The following PDE5A variants were observed in gnomAD, a reference collection of about 807,000 sequenced individuals.
PDE5A encodes the protein cGMP-specific 3',5'-cyclic phosphodiesterase.
A neutral mutation model predicts 110.2 loss-of-function variants in PDE5A; 67 were observed. The ratio of observed to expected loss-of-function variants is 0.61; its 90% CI spans 0.50 to 0.75. The LOEUF (loss-of-function observed/expected upper bound fraction) is 0.75. Ranked by LOEUF, PDE5A falls within the 30% of genes least tolerant of loss-of-function variation. The pLI is 0.00. For missense variants in PDE5A, 862 were observed against 1,045.1 expected (o/e 0.82, Z 2.42); for synonymous variants, 328 against 351.2 (o/e 0.93, Z 0.74).
At position 119,580,243 on chromosome 4, in the gene PDE5A, GC is replaced by G. The variant is rs923986596; in HGVS notation, c.832-13100del. On this transcript the variant is annotated intron_variant, in intron 3 of 20. Transcript: ENST00000354960. ...AAATACTAAACTCTCTGCCACACTA[GC>G]TTTTAAGTAATGAGGTAAAGCTCTT... 1.0e-3 allele frequency among the ~76,000 whole-genome samples: 155 copies of G among 152,178 alleles called. 1 individual carries two copies. The highest frequency in any genetic ancestry group is 3.4e-3 in the African/African-American group (143 of 41,524).
At chr4:119,529,249 G>C (rs1452742537) in intron 11 of PDE5A, among the ~76,000 whole-genome samples, 2 of 151,990 alleles carry the variant, frequency 1.3e-5, no homozygotes, top group South Asian at 4.1e-4. Context: ...TGCCTAGAAT[G>C]CATATTCCCA....
intron 9 of PDE5A, among the ~76,000 whole-genome samples, chr4:119,544,918 A>G (rs1412088103): frequency 6.6e-6 from 1 of 152,190 alleles, no homozygotes; most frequent in Non-Finnish European, 1.5e-5. Flanking sequence ...AGGTTCTGCT[A>G]TAACAAATAC....
At chr4:119,620,361 G>T (rs1016259163) in intron 1 of PDE5A, among the ~76,000 whole-genome samples, 1 of 152,196 alleles carries the variant, frequency 6.6e-6, no homozygotes, top group South Asian at 2.1e-4. Context: ...TTAAAATGCA[G>T]AATTGCTTCA....
Position 119,525,454 on chromosome 4 carries a change from C to T in PDE5A, c.1779+95G>A, listed in dbSNP as rs1726278527. 8.6e-7 allele frequency: 1 copy of T among 1,167,034 alleles called. No individual in the cohort carries two copies. The highest frequency in any genetic ancestry group is 2.3e-5 in the Admixed American group (1 of 42,946). 72.3% of individuals were successfully genotyped at this position (1,167,034 alleles called of 1,614,324 possible). A position where few individuals can be genotyped will look rare whatever the true frequency, so the allele number is the denominator to read the frequency against. On this transcript the variant is annotated intron_variant, in intron 12 of 20. Coordinates refer to ENST00000354960, the MANE Select transcript of PDE5A (RefSeq NM_001083.4). The surrounding 1 kb of genome is among the most constrained non-coding windows in gnomAD (Gnocchi z 4.3). ...ATATTAATCACTAAAATGTAAAAAT[C>T]CCTATTCCATATTTGCATTCAAAAC...
intron 3 of PDE5A, chr4:119,569,610 C>T (rs1018191786): frequency 6.6e-6 from 1 of 151,898 alleles, no homozygotes; most frequent in Non-Finnish European, 1.5e-5. Flanking sequence ...AAATTTTAAA[C>T]CCACAGCAAT....
At chr4:119,624,559 A>T (rs1730272001) in intron 1 of PDE5A, among the ~76,000 whole-genome samples, 1 of 152,196 alleles carries the variant, frequency 6.6e-6, no homozygotes, top group South Asian at 2.1e-4. Flanking sequence ...CTGTCATAAA[A>T]ACTTGCCCTC....
At chr4:119,542,223 G>A (rs1726956118) in intron 10 of PDE5A, among the ~76,000 whole-genome samples, 1 of 152,108 alleles carries the variant, frequency 6.6e-6, no homozygotes, top group African/African-American at 2.4e-5. Context: ...GGCATAAAGG[G>A]ATAAACATCC....
At chr4:119,522,539 T>C (rs1345694770) in intron 12 of PDE5A, among the ~76,000 whole-genome samples, 1 of 152,052 alleles carries the variant, frequency 6.6e-6, no homozygotes, top group Non-Finnish European at 1.5e-5. Context: ...TTTTTACTAA[T>C]CATAAATGTA....
chr4:119,582,727 C>T (rs1320015009), intron 3 of PDE5A, among the ~76,000 whole-genome samples: 1 of 152,170 alleles, frequency 6.6e-6, no homozygotes, highest in Non-Finnish European at 1.5e-5. Flanking sequence ...GGCATGAAAA[C>T]GACATTGATT....
intron 1 of PDE5A, among the ~76,000 whole-genome samples, chr4:119,610,070 C>T (rs1729690532): frequency 6.6e-6 from 1 of 152,174 alleles, no homozygotes; most frequent in South Asian, 2.1e-4. Flanking sequence ...CATATACCTA[C>T]ACAGATTTTT....
intron 2 of PDE5A, 62 bp downstream of exon 2, chr4:119,606,647 T>G: frequency 1.7e-6 from 2 of 1,183,952 alleles, no homozygotes; most frequent in Admixed American, 3.6e-5. Context: ...CCAGCCATAG[T>G]ACCCGCCCCA....
intron 3 of PDE5A, among the ~76,000 whole-genome samples, chr4:119,576,141 C>T (rs1728334386): frequency 2.1e-4 from 2 of 9,306 alleles, no homozygotes; most frequent in Non-Finnish European, 1.0e-3. Flanking sequence ...AGCTAACTAT[C>T]CTAAATATAT....
At chr4:119,574,011 A>T (rs1272796082) in intron 3 of PDE5A, among the ~76,000 whole-genome samples, 1 of 152,006 alleles carries the variant, frequency 6.6e-6, no homozygotes, top group African/African-American at 2.4e-5. Flanking sequence ...TAATTCTTTA[A>T]TTTTCATTCC....
chr4:119,537,616 T>C (rs1251690892), intron 11 of PDE5A, among the ~76,000 whole-genome samples: 2 of 152,048 alleles, frequency 1.3e-5, no homozygotes, highest in African/African-American at 4.8e-5. Context: ...CCTCTCTGCA[T>C]TCTCTCCCAA....
chr4:119,504,391 A>C (rs1246267862), intron 18 of PDE5A, 145 bp downstream of exon 18: 2 of 589,828 alleles, frequency 3.4e-6, no homozygotes, highest in Non-Finnish European at 5.9e-6. Context: ...TTGCTATTAT[A>C]TAATAAATGG....
At chr4:119,609,347 A>G (rs79018308) in intron 1 of PDE5A, among the ~76,000 whole-genome samples, 2,581 of 152,310 alleles carry the variant, frequency 0.017, 68 homozygotes, top group African/African-American at 0.058. Context: ...TAAATACATC[A>G]TGGCACACTT....
intron 2 of PDE5A, among the ~76,000 whole-genome samples, chr4:119,604,180 C>T (rs1729444183): frequency 6.6e-6 from 1 of 152,148 alleles, no homozygotes. Flanking sequence ...AGAGGCATCA[C>T]CCTGGGAGCA....
intron 15 of PDE5A, among the ~76,000 whole-genome samples, chr4:119,508,873 T>C (rs1725646762): frequency 6.6e-6 from 1 of 152,030 alleles, no homozygotes; most frequent in African/African-American, 2.4e-5. Context: ...GTCTTATAAT[T>C]TGAGCCAGCC....
chr4:119,501,276 GAC>G (rs1159524382), intron 19 of PDE5A, 23 bp from the exon 20 acceptor site: 1 of 1,312,446 alleles, frequency 7.6e-7, no homozygotes, highest in Admixed American at 1.7e-5. Context: ...ATACAGACCA[GAC>G]ACACAGATGT....
Sources: allele counts gnomAD v4.1 joint callset (sites outside exome capture counted in the v4.1 genomes callset), GRCh38; gene constraint gnomAD v4.1.1; non-coding constraint Gnocchi (gnomAD v3.1); transcripts MANE v1.5; gene names NCBI Gene and HGNC (gene_info 2026-07-23, HGNC 2026-07-21).